The following DAPP1 variants were observed in gnomAD, a reference collection of about 807,000 sequenced individuals.
The protein encoded by DAPP1 is dual adaptor of phosphotyrosine and 3-phosphoinositides 1, also known as dual adapter for phosphotyrosine and 3-phosphotyrosine and 3-phosphoinositide.
A neutral mutation model predicts 41.5 loss-of-function variants in DAPP1; 20 were observed. The observed-to-expected ratio is 0.48, with a 90% CI of 0.34 to 0.70. The LOEUF (loss-of-function observed/expected upper bound fraction) is 0.70, where lower values mean the gene tolerates loss of function less well. Ranked by LOEUF, DAPP1 falls within the 30% of genes least tolerant of loss-of-function variation. The probability of loss-of-function intolerance (pLI) is 0.01; values close to 1 mark genes in which losing one functional copy is unlikely to be tolerated. For synonymous variants in DAPP1, 113 were observed against 116.2 expected, an observed-to-expected ratio of 0.97 and a Z score of 0.18; for missense variants, 233 against 333.4, an observed-to-expected ratio of 0.70 and a Z score of 2.35.
chr4:99,821,855 G>A (rs1173266404), intron 1 of DAPP1, among the ~76,000 whole-genome samples: 1 of 152,182 alleles, frequency 6.6e-6, no homozygotes, highest in Non-Finnish European at 1.5e-5. Flanking sequence ...ACATGCACAT[G>A]TACACAAAGC....
rs115289600 is a variant in DAPP1 at position 99,832,505 on chromosome 4, C to G, written c.102-3118C>G. On this transcript the variant is annotated intron_variant, in intron 1 of 8. Coordinates refer to ENST00000512369, the MANE Select transcript of DAPP1 (RefSeq NM_014395.3). ...CACTGACATCATGGAATGTAGGTGG[C>G]TGCCTGGAAAGCTCTATACTGGGCT... Among the ~76,000 whole-genome samples the G allele has an allele frequency of 1.6e-3, 250 of 152,306 alleles. 2 individuals are homozygous for G. The highest frequency in any genetic ancestry group is 5.6e-3 in the African/African-American group (231 of 41,568).
At position 99,863,016 on chromosome 4, in the gene DAPP1, A is replaced by T; in HGVS notation, c.544A>T (p.Lys182Ter). The change falls in exon 6 of 9, where the codon AAA becomes TAA. Residue 182 changes from lysine to a stop codon, truncating the protein, a stop_gained. Transcript: ENST00000512369. LOFTEE classifies it high-confidence loss of function. Reference sequence around the variant, plus strand: ...GTGTGTGTGTTTTTCTCAGACCTGGAAAACAAGATGGTTTACTCTGCACAG... The same window carrying T: ...GTGTGTGTGTTTTTCTCAGACCTGGTAAACAAGATGGTTTACTCTGCACAG... The part of the protein sequence containing the change: ...TKQGGLVKTW[K>*]TRWFTLHRNE... 6.3e-7 allele frequency: 1 copy of T among 1,591,706 alleles called. No individual in the cohort carries two copies. The highest frequency in any genetic ancestry group is 8.5e-7 in the Non-Finnish European group (1 of 1,172,958).
chr4:99,867,961 T>C (rs1434110098), intron 8 of DAPP1, among the ~76,000 whole-genome samples, 156 bp from the exon 9 acceptor site: 1 of 152,202 alleles, frequency 6.6e-6, no homozygotes, highest in East Asian at 1.9e-4. Context: ...TCTGGACACA[T>C]GATAATTAGC....
At chr4:99,867,979 TG>T in intron 8 of DAPP1, 137 bp from the exon 9 acceptor site, 1 of 750,706 alleles carries the variant, frequency 1.3e-6, no homozygotes, top group South Asian at 1.8e-5. Flanking sequence ...AGCTTATAGT[TG>T]GGGGTGAGCA....
At chr4:99,872,104 A>G (rs1724639777), downstream of DAPP1, among the ~76,000 whole-genome samples, 1 of 152,238 alleles carries the variant, frequency 6.6e-6, no homozygotes, top group African/African-American at 2.4e-5. Flanking sequence ...GTCTATGAGG[A>G]CTTCCAGAAA....
At chr4:99,834,089 C>T (rs373783695) in intron 1 of DAPP1, among the ~76,000 whole-genome samples, 9 of 152,266 alleles carry the variant, frequency 5.9e-5, no homozygotes, top group East Asian at 5.8e-4. Flanking sequence ...GGGCCACAAT[C>T]CTAATCATCA....
chr4:99,868,422 T>G lies in DAPP1; in HGVS notation c.*237T>G. 1 of 539,738 alleles carries G rather than the reference T, an allele frequency of 1.9e-6. No homozygotes were observed. Among genetic ancestry groups the G allele is most frequent in the Admixed American group, 3.2e-5 (1 of 31,636 alleles). 33.4% of individuals were successfully genotyped at this position (539,738 alleles called of 1,614,324 possible). ...AATCACCATTCTGATAGAAAGTGCT[T>G]AAACCACCACTCTTAGGTCTGCTCA... On this transcript the variant is annotated 3_prime_UTR_variant, in exon 9 of 9. Coordinates refer to ENST00000512369, the MANE Select transcript of DAPP1 (RefSeq NM_014395.3).
At chr4:99,848,492 G>A (rs1016427173) in intron 3 of DAPP1, among the ~76,000 whole-genome samples, 1 of 152,076 alleles carries the variant, frequency 6.6e-6, no homozygotes, top group Non-Finnish European at 1.5e-5. Flanking sequence ...GCCTCCCAAA[G>A]TGCTGGGATT....
chr4:99,865,027 A>G (rs1724729562), intron 7 of DAPP1: 1 of 152,188 alleles, frequency 6.6e-6, no homozygotes, highest in Admixed American at 6.5e-5. Flanking sequence ...AGTACCAAAC[A>G]ATGACAATGA....
At position 99,836,973 on chromosome 4, in the gene DAPP1, C is replaced by T. The variant is rs567911645; in HGVS notation, c.224+1228C>T. 2.0e-5 allele frequency among the ~76,000 whole-genome samples: 3 copies of T among 152,308 alleles called. No homozygotes were observed. The East Asian group carries it at 5.8e-4, about 29-fold the overall frequency. Reference sequence around the variant, plus strand: ...CTTGCTGCCGTAGAACTGAGGTCCTCCTTTTCCTTTTAGCTGTCAGCCAGG... The same window carrying T: ...CTTGCTGCCGTAGAACTGAGGTCCTTCTTTTCCTTTTAGCTGTCAGCCAGG... On this transcript the variant is annotated intron_variant, in intron 2 of 8. Coordinates refer to ENST00000512369, the MANE Select transcript of DAPP1 (RefSeq NM_014395.3).
At position 99,868,037 on chromosome 4, in the gene DAPP1, G is replaced by A; in HGVS notation, c.775-80G>A. ...GTATGACATCCTTACTAATCAACAT[G>A]TCTTATTTAATATTTGTTAGAAGCC... is the stretch of plus-strand genomic sequence containing the variant. On this transcript the variant is annotated intron_variant, in intron 8 of 8. Coordinates refer to ENST00000512369, the MANE Select transcript of DAPP1 (RefSeq NM_014395.3). The A allele has an allele frequency of 2.5e-6, 3 of 1,216,356 alleles. No homozygotes were observed. In the South Asian group the frequency reaches 3.6e-5, roughly 15 times the overall value. The allele number at this position is 1,216,356 out of a possible 1,614,324, so 75.3% of individuals were successfully genotyped here. A position where few individuals can be genotyped will look rare whatever the true frequency, so the allele number is the denominator to read the frequency against.
chr4:99,836,956 C>G (rs537053299), intron 2 of DAPP1, among the ~76,000 whole-genome samples: 1 of 152,124 alleles, frequency 6.6e-6, no homozygotes, highest in Non-Finnish European at 1.5e-5. Flanking sequence ...CCCTTGCTGC[C>G]GTAGAACTGA....
Position 99,840,317 on chromosome 4 carries a change from G to A in DAPP1, c.253G>A (p.Val85Ile). The stretch of plus-strand genomic sequence containing the variant: ...CAAAGATTCTGTTAAACACTTTCAT[G>A]TTGAATATACTGGATATTCATTTAA... ...RAKDSVKHFH[V>I]EYTGYSFKFG... The change falls in exon 3 of 9, where the codon GTT becomes ATT. Residue 85 changes from valine to isoleucine, a missense_variant. Val to Ile is a conservative substitution (Grantham distance 29). Coordinates refer to ENST00000512369, the MANE Select transcript of DAPP1 (RefSeq NM_014395.3). The A allele has an allele frequency of 1.3e-6, 2 of 1,588,310 alleles. No homozygotes were observed. Among genetic ancestry groups the A allele is most frequent in the Admixed American group, 1.7e-5 (1 of 57,366 alleles).
chr4:99,837,965 C>T (rs1307213793), intron 2 of DAPP1, among the ~76,000 whole-genome samples: 3 of 152,068 alleles, frequency 2.0e-5, no homozygotes, highest in Admixed American at 1.3e-4. Flanking sequence ...GTTTGCACTC[C>T]TATGAGAATC....
chr4:99,850,605 T>A (rs1723821366), intron 3 of DAPP1, among the ~76,000 whole-genome samples: 1 of 152,192 alleles, frequency 6.6e-6, no homozygotes, highest in Non-Finnish European at 1.5e-5. Flanking sequence ...TGGGAGCTGC[T>A]TTGATCCCTA....
At chr4:99,863,396 G>A (rs1279730076) in intron 6 of DAPP1, among the ~76,000 whole-genome samples, 2 of 152,142 alleles carry the variant, frequency 1.3e-5, no homozygotes, top group Admixed American at 6.5e-5. Context: ...TAAAAATACA[G>A]TTTCTCCATT....
At chr4:99,865,957 TTA>T (rs1553942227) in intron 7 of DAPP1, 75 bp from the exon 8 acceptor site, 5 of 68,628 alleles carry the variant, frequency 7.3e-5, no homozygotes, top group East Asian at 3.6e-4. Flanking sequence ...ATATATTATA[TTA>T]TATATATTAT....
intron 4 of DAPP1, among the ~76,000 whole-genome samples, chr4:99,855,040 T>G (rs1723997345): frequency 6.6e-6 from 1 of 152,234 alleles, no homozygotes; most frequent in Non-Finnish European, 1.5e-5. Flanking sequence ...ATTTTGGCTT[T>G]GTTAGAAGTG....
At chr4:99,838,089 A>G (rs1723362313) in intron 2 of DAPP1, among the ~76,000 whole-genome samples, 1 of 152,204 alleles carries the variant, frequency 6.6e-6, no homozygotes, top group African/African-American at 2.4e-5. Context: ...TTTTCTTGCT[A>G]CGTGGCTGGC....
Sources: gnomAD v4.1 joint callset for allele counts (sites outside exome capture counted in the v4.1 genomes callset) on GRCh38, gnomAD v4.1.1 for gene constraint, MANE v1.5 for transcripts, NCBI Gene and HGNC (gene_info 2026-07-23, HGNC 2026-07-21) for gene names.